Variants in PLXDC2 observed in about 807,000 individuals in gnomAD.
PLXDC2 encodes plexin domain containing 2.
A neutral mutation model predicts 68.9 loss-of-function variants in PLXDC2; 40 were observed. The observed-to-expected ratio is 0.58, with a 90% CI of 0.45 to 0.76. The LOEUF (loss-of-function observed/expected upper bound fraction) is 0.76, where lower values mean the gene tolerates loss of function less well. Ranked by LOEUF, PLXDC2 falls within the 30% of genes least tolerant of loss-of-function variation. The pLI is 0.00. For missense variants in PLXDC2, 644 were observed against 661.9 expected, an observed-to-expected ratio of 0.97 and a Z score of 0.30; for synonymous variants, 243 against 234.2, an observed-to-expected ratio of 1.04 and a Z score of -0.34.
intron 1 of PLXDC2, among the ~76,000 whole-genome samples, chr10:19,908,664 G>A (rs1050249702): frequency 3.9e-5 from 6 of 152,096 alleles, no homozygotes; most frequent in African/African-American, 1.4e-4. Context: ...TCAAGATTGT[G>A]TTTGTATTTC....
intron 1 of PLXDC2, among the ~76,000 whole-genome samples, chr10:19,919,479 G>A (rs1471625234): frequency 6.6e-6 from 1 of 152,132 alleles, no homozygotes; most frequent in African/African-American, 2.4e-5. Context: ...GCTAATAACA[G>A]TGACTATAAT....
At chr10:19,979,809 G>C (rs567964201) in intron 1 of PLXDC2, among the ~76,000 whole-genome samples, 13 of 152,202 alleles carry the variant, frequency 8.5e-5, no homozygotes, top group African/African-American at 3.1e-4. Flanking sequence ...GGTAATGTGA[G>C]CTTCATCTTC....
At chr10:20,022,744 C>T (rs532254842) in intron 2 of PLXDC2, among the ~76,000 whole-genome samples, 18 of 152,108 alleles carry the variant, frequency 1.2e-4, no homozygotes, top group African/African-American at 3.1e-4. Flanking sequence ...TGTACCAAGG[C>T]GAAGAGTGAT....
rs141010553 is a variant in PLXDC2, at chr10:19,819,465, A to C, written c.112+2274A>C. Among the ~76,000 whole-genome samples, 3 of 138,568 alleles carry C rather than the reference A, an allele frequency of 2.2e-5. No homozygotes were observed. The East Asian group carries it at 6.0e-4, about 28-fold the overall frequency. The allele number at this position is 138,568 out of a possible 152,430, so 90.9% of individuals were successfully genotyped here. ...TACAACTTTATTTGTAAAATAGTCT[A>C]TATAAAAATTCAGTATGGGGGGAAA... On this transcript the variant is annotated intron_variant, in intron 1 of 13. Transcript: ENST00000377252.
At chr10:20,238,662 A>AAATATATATATATGTAT (rs1175526348) in intron 12 of PLXDC2, among the ~76,000 whole-genome samples, 4 of 31,726 alleles carry the variant, frequency 1.3e-4, no homozygotes, top group African/African-American at 4.2e-4. Flanking sequence ...TCTCAAAAAA[A>AAATATATATATATGTAT]ATATATATAT....
At chr10:20,174,372 T>G (rs1313344143) in intron 7 of PLXDC2, among the ~76,000 whole-genome samples, 1 of 152,158 alleles carries the variant, frequency 6.6e-6, no homozygotes, top group Non-Finnish European at 1.5e-5. Flanking sequence ...GAAACCAGCA[T>G]TTCCTCTGAT....
At position 20,168,250 on chromosome 10, in the gene PLXDC2, A is replaced by G. The variant is rs911079216; in HGVS notation, c.883+3683A>G. The stretch of plus-strand genomic sequence containing the variant: ...ATTGGTCATGAAACATTAAACTTTT[A>G]ATTGATTTCTGTAACTTTCTTTCTA... On this transcript the variant is annotated intron_variant, in intron 7 of 13. Coordinates refer to ENST00000377252, the MANE Select transcript of PLXDC2 (RefSeq NM_032812.9). Among the ~76,000 whole-genome samples, 6 of 152,166 alleles carry G rather than the reference A, an allele frequency of 3.9e-5. No individual in the cohort carries two copies. In the East Asian group the frequency reaches 1.2e-3, roughly 29 times the overall value.
intron 6 of PLXDC2, among the ~76,000 whole-genome samples, chr10:20,159,842 T>A (rs1834267618): frequency 6.6e-6 from 1 of 152,168 alleles, no homozygotes; most frequent in African/African-American, 2.4e-5. Context: ...CATGACAGAT[T>A]TTCTTACTTC....
At chr10:19,826,178 C>G (rs1488211696) in intron 1 of PLXDC2, among the ~76,000 whole-genome samples, 1 of 152,160 alleles carries the variant, frequency 6.6e-6, no homozygotes, top group Non-Finnish European at 1.5e-5. Flanking sequence ...ATTCAACCTC[C>G]TAATTATTTT....
intron 11 of PLXDC2, 48 bp downstream of exon 11, chr10:20,217,624 T>TTTTG: frequency 8.3e-7 from 1 of 1,207,452 alleles, no homozygotes; most frequent in South Asian, 1.5e-5. Flanking sequence ...TTTTTTTTTT[T>TTTTG]CCCTGAAGGA....
At chr10:19,868,217 G>A (rs1042167403) in intron 1 of PLXDC2, among the ~76,000 whole-genome samples, 4 of 152,152 alleles carry the variant, frequency 2.6e-5, no homozygotes, top group Middle Eastern at 3.4e-3. Context: ...TTTTGTCACC[G>A]AGGTAATAGG....
chr10:20,184,657 C>G (rs2131832815), intron 9 of PLXDC2, among the ~76,000 whole-genome samples: 1 of 151,914 alleles, frequency 6.6e-6, no homozygotes, highest in East Asian at 1.9e-4. Flanking sequence ...CAGACAGAGA[C>G]AGAAAACAAA....
At chr10:20,105,652 AC>A (rs1182323480) in intron 4 of PLXDC2, among the ~76,000 whole-genome samples, 1 of 151,892 alleles carries the variant, frequency 6.6e-6, no homozygotes, top group African/African-American at 2.4e-5. Context: ...CCTGCCCCCT[AC>A]CCCCACCTCA....
intron 2 of PLXDC2, among the ~76,000 whole-genome samples, chr10:20,003,222 G>T (rs567675940): frequency 6.6e-6 from 1 of 152,262 alleles, no homozygotes; most frequent in African/African-American, 2.4e-5. Flanking sequence ...GGGCAAAAAA[G>T]CGAAGACCAC....
intron 7 of PLXDC2, 121 bp downstream of exon 7, chr10:20,164,688 T>C: frequency 1.3e-6 from 1 of 749,900 alleles, no homozygotes. Context: ...AGCTGATTAA[T>C]GCTTGTTAAT....
At chr10:19,861,510 T>G (rs1267680796) in intron 1 of PLXDC2, among the ~76,000 whole-genome samples, 2 of 152,184 alleles carry the variant, frequency 1.3e-5, no homozygotes, top group Non-Finnish European at 2.9e-5. Flanking sequence ...AACCCTTTAA[T>G]TAGCACAACA....
intron 1 of PLXDC2, among the ~76,000 whole-genome samples, chr10:19,968,620 A>G (rs1834303456): frequency 6.6e-6 from 1 of 152,152 alleles, no homozygotes; most frequent in Admixed American, 6.5e-5. Context: ...GCCCATTTCT[A>G]AAAATCTGTT....
chr10:20,217,698 A>G, intron 11 of PLXDC2, 122 bp downstream of exon 11: 1 of 1,166,124 alleles, frequency 8.6e-7, no homozygotes, highest in Non-Finnish European at 1.1e-6. Context: ...CTCTAAAGTT[A>G]TTCTTTGGCA....
At chr10:19,844,736 C>T (rs903051923) in intron 1 of PLXDC2, among the ~76,000 whole-genome samples, 7 of 152,050 alleles carry the variant, frequency 4.6e-5, no homozygotes, top group Non-Finnish European at 1.0e-4. Context: ...GCTGGGACTA[C>T]AGGCGCGCAT....
Sources: gnomAD v4.1 joint callset for allele counts (sites outside exome capture counted in the v4.1 genomes callset) on GRCh38, gnomAD v4.1.1 for gene constraint, MANE v1.5 for transcripts, NCBI Gene and HGNC (gene_info 2026-07-23, HGNC 2026-07-21) for gene names.